Variants in PCDHGA4 observed in about 807,000 individuals in gnomAD.
The protein encoded by PCDHGA4 is protocadherin gamma-A4.
PCDHGA4 carries 38 observed loss-of-function variants against 54.6 expected under a neutral mutation model. That is an observed-to-expected ratio of 0.70 (90% CI 0.54 to 0.91). The LOEUF is 0.91. Ranked by LOEUF, PCDHGA4 falls within the 40% of genes least tolerant of loss-of-function variation. The pLI is 0.00. For synonymous variants in PCDHGA4, 511 were observed against 512.9 expected, an observed-to-expected ratio of 1.00 and a Z score of 0.05; for missense variants, 1,298 against 1,220.9, an observed-to-expected ratio of 1.06 and a Z score of -0.94.
chr5:141,498,312 T>C (rs2099783060), intron 2 of PCDHGA4, among the ~76,000 whole-genome samples: 1 of 151,714 alleles, frequency 6.6e-6, no homozygotes, highest in Non-Finnish European at 1.5e-5. Context: ...TCACACTGCC[T>C]ACACAGAAGG....
chr5:141,387,336 C>T (rs1351788377), intron 1 of PCDHGA4, among the ~76,000 whole-genome samples: 4 of 152,122 alleles, frequency 2.6e-5, no homozygotes, highest in African/African-American at 7.2e-5. Flanking sequence ...AATTACTGTA[C>T]TCTGAGACGG....
At chr5:141,502,621 A>G (rs918589202) in intron 2 of PCDHGA4, among the ~76,000 whole-genome samples, 3 of 152,162 alleles carry the variant, frequency 2.0e-5, no homozygotes, top group African/African-American at 7.2e-5. Context: ...AAATATAAGT[A>G]ATCTGTGGAT....
intron 1 of PCDHGA4, chr5:141,365,946 A>G (rs758519546): frequency 1.4e-5 from 22 of 1,614,020 alleles, no homozygotes; most frequent in Non-Finnish European, 1.9e-5. Flanking sequence ...GACAGTGGGA[A>G]CCCTCCACTT....
Position 141,486,589 on chromosome 5 carries a change from C to T in PCDHGA4, c.2515-8218C>T. On this transcript the variant is annotated intron_variant, in intron 1 of 3. Transcript: ENST00000571252. The surrounding 1 kb of genome is among the most constrained non-coding windows in gnomAD (Gnocchi z 5.0). ...TTCCTGAGAACAATCGCCCAGGGGA[C>T]CTGCTTTGCTCCCTTGCAGCCTCTG... 1 of 1,613,676 alleles carries T rather than the reference C, an allele frequency of 6.2e-7. No individual in the cohort carries two copies. Among genetic ancestry groups the T allele is most frequent in the African/African-American group, 1.3e-5 (1 of 75,064 alleles).
At chr5:141,381,445 G>C (rs1777202904) in intron 1 of PCDHGA4, among the ~76,000 whole-genome samples, 1 of 152,248 alleles carries the variant, frequency 6.6e-6, no homozygotes. Context: ...TGTCAGGACA[G>C]TCCTGCATTT....
chr5:141,422,577 T>G, intron 1 of PCDHGA4: 1 of 1,613,848 alleles, frequency 6.2e-7, no homozygotes, highest in Non-Finnish European at 8.5e-7. Context: ...ACGATAACCC[T>G]CCCGTTTTTC....
chr5:141,403,073 A>G (rs920382925), intron 1 of PCDHGA4: 4 of 1,614,056 alleles, frequency 2.5e-6, no homozygotes, highest in Non-Finnish European at 3.4e-6. Context: ...AGAGACAGAA[A>G]AGGGCTATAT....
intron 1 of PCDHGA4, chr5:141,414,982 G>A (rs1415279007): frequency 3.7e-6 from 6 of 1,613,712 alleles, no homozygotes; most frequent in Admixed American, 1.7e-5. Flanking sequence ...CAGAGACTCC[G>A]GCCAGAACGC....
At chr5:141,497,142 C>T (rs1316569011) in intron 2 of PCDHGA4, among the ~76,000 whole-genome samples, 2 of 149,678 alleles carry the variant, frequency 1.3e-5, no homozygotes, top group South Asian at 2.1e-4. Context: ...GCTGAGATCA[C>T]GAAAAAAAAA....
At position 141,361,602 on chromosome 5, in the gene PCDHGA4, C is replaced by A. The variant is rs571629532; in HGVS notation, c.2514+3981C>A. The stretch of plus-strand genomic sequence containing the variant: ...TGGGCCCCAGTGGCCAAGTTTCCTA[C>A]TCCATCGTAGCGAGCGACCTGAAGC... On this transcript the variant is annotated intron_variant, in intron 1 of 3. Coordinates refer to ENST00000571252, the MANE Select transcript of PCDHGA4 (RefSeq NM_018917.4). 4.1e-5 allele frequency: 66 copies of A among 1,614,054 alleles called. 1 individual carries two copies. The Admixed American group carries it at 8.5e-4, about 21-fold the overall frequency.
At chr5:141,404,112 A>G (rs372014000) in intron 1 of PCDHGA4, 3 of 1,613,380 alleles carry the variant, frequency 1.9e-6, no homozygotes, top group Non-Finnish European at 2.5e-6. Context: ...TGTTCTATCC[A>G]GGAGAATCTA....
intron 1 of PCDHGA4, among the ~76,000 whole-genome samples, chr5:141,456,842 A>G (rs1374546355): frequency 6.6e-6 from 1 of 152,150 alleles, no homozygotes; most frequent in African/African-American, 2.4e-5. Flanking sequence ...GGGCGCCTGT[A>G]ATCCCAGCTA....
At chr5:141,450,754 C>G (rs192088793) in intron 1 of PCDHGA4, among the ~76,000 whole-genome samples, 1 of 150,996 alleles carries the variant, frequency 6.6e-6, no homozygotes, top group Non-Finnish European at 1.5e-5. Context: ...CCCAAAGTGC[C>G]GGGATTACAG....
chr5:141,502,331 G>C lies in PCDHGA4; in HGVS notation c.2574-3062G>C, dbSNP rs555959890. ...TCCTTTAATCTGGAGCCAGCTCCCA[G>C]TCTTTTTATTTTTTTAATGACATGG... On this transcript the variant is annotated intron_variant, in intron 2 of 3. Transcript: ENST00000571252. Among the ~76,000 whole-genome samples, 42 of 152,102 alleles carry C rather than the reference G, an allele frequency of 2.8e-4. No individual in the cohort carries two copies. The South Asian group carries it at 6.2e-3, about 23-fold the overall frequency.
chr5:141,398,776 G>C, intron 1 of PCDHGA4: 2 of 1,613,904 alleles, frequency 1.2e-6, no homozygotes. Context: ...TGCCTTGGAC[G>C]GTGGACATCC....
chr5:141,421,130 A>G, intron 1 of PCDHGA4: 1 of 827,800 alleles, frequency 1.2e-6, no homozygotes, highest in South Asian at 1.8e-5. Context: ...GCTTTCTGAT[A>G]TATTTTGGAT....
At chr5:141,368,303 C>G (rs981191656) in intron 1 of PCDHGA4, among the ~76,000 whole-genome samples, 4 of 152,066 alleles carry the variant, frequency 2.6e-5, no homozygotes, top group African/African-American at 9.7e-5. Context: ...TTTTTAAACA[C>G]TGTTAAAGAG....
chr5:141,400,565 A>C (rs766459739), intron 1 of PCDHGA4: 1 of 1,612,948 alleles, frequency 6.2e-7, no homozygotes, highest in South Asian at 1.1e-5. Flanking sequence ...TTACCCACCC[A>C]ATTTTCTGTA....
At chr5:141,380,404 C>T (rs972826552) in intron 1 of PCDHGA4, among the ~76,000 whole-genome samples, 3 of 152,146 alleles carry the variant, frequency 2.0e-5, no homozygotes, top group Middle Eastern at 6.3e-3. Flanking sequence ...ATAATCAATT[C>T]GATGCCCAGG....
Sources: gnomAD v4.1 joint callset for allele counts (sites outside exome capture counted in the v4.1 genomes callset) on GRCh38, gnomAD v4.1.1 for gene constraint, Gnocchi (gnomAD v3.1) non-coding constraint, MANE v1.5 for transcripts, NCBI Gene and HGNC (gene_info 2026-07-23, HGNC 2026-07-21) for gene names.